ARHGAP24: variants seen among roughly 807,000 people sequenced by gnomAD.
The protein encoded by ARHGAP24 is rho GTPase-activating protein 24.
Under a neutral mutation model 76.4 loss-of-function variants are expected in ARHGAP24, and 50 were observed. The observed-to-expected ratio is 0.65, with a 90% CI of 0.52 to 0.83. The LOEUF (loss-of-function observed/expected upper bound fraction) is 0.83, where lower values mean the gene tolerates loss of function less well. ARHGAP24 is among the 40% of genes least tolerant of loss of function. ARHGAP24 has a pLI of 0.00. For synonymous variants in ARHGAP24, 345 were observed against 323.3 expected, an observed-to-expected ratio of 1.07 and a Z score of -0.72; for missense variants, 930 against 914.2, an observed-to-expected ratio of 1.02 and a Z score of -0.22.
chr4:85,864,370 T>A (rs1423308787), intron 3 of ARHGAP24, among the ~76,000 whole-genome samples: 1 of 152,094 alleles, frequency 6.6e-6, no homozygotes, highest in Non-Finnish European at 1.5e-5. Flanking sequence ...GATAATAATC[T>A]GAATGGTGGT....
intron 4 of ARHGAP24, chr4:85,930,631 G>A (rs1161863513): frequency 3.6e-5 from 39 of 1,093,438 alleles, no homozygotes; most frequent in Non-Finnish European, 4.2e-5. Flanking sequence ...CTTGCTTGCT[G>A]CAGTTCTTTT....
intron 1 of ARHGAP24, among the ~76,000 whole-genome samples, chr4:85,568,844 G>C (rs1726956249): frequency 6.6e-6 from 1 of 152,202 alleles, no homozygotes; most frequent in South Asian, 2.1e-4. Context: ...AGTAGTTTAA[G>C]AGGTGAAGAT....
intron 2 of ARHGAP24, among the ~76,000 whole-genome samples, chr4:85,680,809 T>G (rs1723176968): frequency 6.7e-6 from 1 of 149,520 alleles, no homozygotes; most frequent in African/African-American, 2.4e-5. Flanking sequence ...TAATATATAA[T>G]AAAGCACTAC....
At chr4:85,867,855 A>T (rs1174840376) in intron 3 of ARHGAP24, among the ~76,000 whole-genome samples, 6 of 146,598 alleles carry the variant, frequency 4.1e-5, no homozygotes, top group Non-Finnish European at 9.0e-5. Context: ...ATATATATTT[A>T]TATATAACAT....
At chr4:85,988,206 G>A (rs1740116913) in intron 8 of ARHGAP24, among the ~76,000 whole-genome samples, 2 of 151,774 alleles carry the variant, frequency 1.3e-5, no homozygotes, top group African/African-American at 4.8e-5. Context: ...AGGAATATGA[G>A]TCCAGATAGA....
intron 3 of ARHGAP24, among the ~76,000 whole-genome samples, chr4:85,877,670 A>T (rs1365330144): frequency 2.0e-5 from 3 of 150,942 alleles, no homozygotes; most frequent in Non-Finnish European, 4.5e-5. Context: ...ACTTTTCAGC[A>T]TATCTAAAAT....
At position 85,486,466 on chromosome 4, in the gene ARHGAP24, A is replaced by G. The variant is rs539513989; in HGVS notation, c.-21+10907A>G. On this transcript the variant is annotated intron_variant, in intron 1 of 9. Transcript: ENST00000395184. ...AGTTAAAAGATTGAGTTTTAACTTT[A>G]TTTTGTGAAATCATCTGGGAAATTG... 7.9e-4 allele frequency among the ~76,000 whole-genome samples: 120 copies of G among 152,304 alleles called. 1 individual carries two copies. Among genetic ancestry groups the G allele is most frequent in the African/African-American group, 2.9e-3 (119 of 41,564 alleles).
intron 5 of ARHGAP24, among the ~76,000 whole-genome samples, chr4:85,951,911 T>A (rs930791106): frequency 6.6e-6 from 1 of 152,104 alleles, no homozygotes; most frequent in Admixed American, 6.5e-5. Context: ...AATCATAAAG[T>A]TATTAAGTTT....
chr4:85,574,905 T>G (rs1727309317), intron 2 of ARHGAP24, among the ~76,000 whole-genome samples: 1 of 152,194 alleles, frequency 6.6e-6, no homozygotes, highest in Non-Finnish European at 1.5e-5. Flanking sequence ...CTGCCCAAAT[T>G]TGAGAACTTA....
chr4:85,957,978 ACTT>A (rs1367044858), intron 5 of ARHGAP24, among the ~76,000 whole-genome samples: 1 of 152,200 alleles, frequency 6.6e-6, no homozygotes, highest in Non-Finnish European at 1.5e-5. Context: ...ATTTTGGCTC[ACTT>A]CCACTGAAAC....
intron 2 of ARHGAP24, among the ~76,000 whole-genome samples, chr4:85,643,241 T>TGG (rs1721595289): frequency 2.1e-3 from 4 of 1,936 alleles, no homozygotes; most frequent in African/African-American, 8.4e-3. Context: ...TGTGTTTTTT[T>TGG]TTTTTTTTTT....
At chr4:85,650,832 A>T (rs1049355492) in intron 2 of ARHGAP24, among the ~76,000 whole-genome samples, 1 of 149,448 alleles carries the variant, frequency 6.7e-6, no homozygotes, top group Admixed American at 6.6e-5. Flanking sequence ...ATCCTAAAGG[A>T]GGTCATTTCT....
intron 2 of ARHGAP24, among the ~76,000 whole-genome samples, chr4:85,595,113 A>C (rs976017227): frequency 2.6e-5 from 4 of 152,038 alleles, no homozygotes; most frequent in Non-Finnish European, 4.4e-5. Flanking sequence ...AATTGAACAG[A>C]CTTTTCACAA....
At chr4:85,929,150 A>G (rs895672744) in intron 4 of ARHGAP24, among the ~76,000 whole-genome samples, 4 of 152,196 alleles carry the variant, frequency 2.6e-5, no homozygotes, top group African/African-American at 9.7e-5. Context: ...TATTGGCTGA[A>G]GTGCTTGAAG....
intron 1 of ARHGAP24, among the ~76,000 whole-genome samples, chr4:85,552,607 A>G (rs1381086655): frequency 1.3e-5 from 2 of 152,096 alleles, no homozygotes; most frequent in African/African-American, 4.8e-5. Context: ...GTCTAATACC[A>G]TCAGTGGGGT....
At chr4:85,666,935 A>G (rs76688266) in intron 2 of ARHGAP24, among the ~76,000 whole-genome samples, 14 of 152,090 alleles carry the variant, frequency 9.2e-5, no homozygotes, top group Admixed American at 3.3e-4. Context: ...TAGGCTCCTC[A>G]GGGGTCATGG....
At chr4:85,784,987 CTAGA>C (rs1232618687) in intron 3 of ARHGAP24, among the ~76,000 whole-genome samples, 4 of 151,858 alleles carry the variant, frequency 2.6e-5, no homozygotes, top group Non-Finnish European at 4.4e-5. Context: ...GCTTTCCTAT[CTAGA>C]TATAGACACA....
At chr4:85,919,691 A>G (rs1023684847) in intron 3 of ARHGAP24, among the ~76,000 whole-genome samples, 1 of 152,190 alleles carries the variant, frequency 6.6e-6, no homozygotes, top group Non-Finnish European at 1.5e-5. Flanking sequence ...CCAGTTGTGC[A>G]TATCATTCTT....
At chr4:85,625,120 A>G (rs1720892058) in intron 2 of ARHGAP24, among the ~76,000 whole-genome samples, 1 of 151,886 alleles carries the variant, frequency 6.6e-6, no homozygotes, top group African/African-American at 2.4e-5. Flanking sequence ...CTAGCTTTTG[A>G]ATGTGTTTGC....
Sources: gnomAD v4.1 joint callset for allele counts (sites outside exome capture counted in the v4.1 genomes callset) on GRCh38, gnomAD v4.1.1 for gene constraint, MANE v1.5 for transcripts, NCBI Gene and HGNC (gene_info 2026-07-23, HGNC 2026-07-21) for gene names.